The following ZBTB7C variants were observed in gnomAD, a reference collection of about 807,000 sequenced individuals.
The protein encoded by ZBTB7C is zinc finger and BTB domain containing 7C.
ZBTB7C carries 8 observed loss-of-function variants against 25.7 expected under a neutral mutation model. The ratio of observed to expected loss-of-function variants is 0.31; its 90% CI spans 0.18 to 0.56. The LOEUF (loss-of-function observed/expected upper bound fraction) is 0.56, where lower values mean the gene tolerates loss of function less well. Ranked by LOEUF, ZBTB7C falls within the 20% of genes least tolerant of loss-of-function variation. The probability of loss-of-function intolerance (pLI) is 0.91; values close to 1 mark genes in which losing one functional copy is unlikely to be tolerated. For missense variants in ZBTB7C, 824 were observed against 855.2 expected, an observed-to-expected ratio of 0.96 and a Z score of 0.46; for synonymous variants, 394 against 369.0, an observed-to-expected ratio of 1.07 and a Z score of -0.78.
At chr18:48,230,951 T>C (rs1377061403) in intron 2 of ZBTB7C, among the ~76,000 whole-genome samples, 1 of 152,216 alleles carries the variant, frequency 6.6e-6, no homozygotes, top group Non-Finnish European at 1.5e-5. Flanking sequence ...CAGCTGGGTA[T>C]GTGCATGCTC....
At chr18:48,242,921 T>G (rs1306325545) in intron 2 of ZBTB7C, among the ~76,000 whole-genome samples, 1 of 152,078 alleles carries the variant, frequency 6.6e-6, no homozygotes, top group East Asian at 1.9e-4. Context: ...CATTGCTCAC[T>G]GCTGGTATGA....
intron 1 of ZBTB7C, among the ~76,000 whole-genome samples, chr18:48,403,174 C>T (rs2048200867): frequency 6.6e-6 from 1 of 152,150 alleles, no homozygotes; most frequent in Non-Finnish European, 1.5e-5. Context: ...GAGCTCTTGC[C>T]CACCAAAGAA....
chr18:48,041,158 T>C, intron 3 of ZBTB7C, 35 bp from the exon 4 acceptor site: 1 of 1,543,142 alleles, frequency 6.5e-7, no homozygotes, highest in South Asian at 1.2e-5. Context: ...ACTGGGTTAG[T>C]GAGCGTGGCC....
intron 2 of ZBTB7C, among the ~76,000 whole-genome samples, chr18:48,241,153 C>T (rs944943592): frequency 2.6e-5 from 4 of 151,998 alleles, no homozygotes; most frequent in Non-Finnish European, 4.4e-5. Context: ...GAAAAGATCA[C>T]AATCCTAAAT....
At chr18:48,252,731 T>G (rs1253386788) in intron 2 of ZBTB7C, 1 of 152,300 alleles carries the variant, frequency 6.6e-6, no homozygotes, top group African/African-American at 2.4e-5. Flanking sequence ...TGGCGTGACC[T>G]CACACTGATG....
intron 2 of ZBTB7C, among the ~76,000 whole-genome samples, chr18:48,320,443 G>A (rs1416677386): frequency 6.6e-6 from 1 of 152,190 alleles, no homozygotes; most frequent in African/African-American, 2.4e-5. Context: ...GCTGTCCGCT[G>A]CGCCTAGGAG....
intron 1 of ZBTB7C, among the ~76,000 whole-genome samples, chr18:48,353,593 A>G (rs1300256502): frequency 6.6e-6 from 1 of 151,958 alleles, no homozygotes; most frequent in Non-Finnish European, 1.5e-5. Flanking sequence ...GTATTCTCCA[A>G]TCCCATCTGA....
At chr18:48,302,625 C>T (rs991591854) in intron 2 of ZBTB7C, among the ~76,000 whole-genome samples, 6 of 152,190 alleles carry the variant, frequency 3.9e-5, no homozygotes, top group Non-Finnish European at 8.8e-5. Context: ...TCGACGTCCA[C>T]GCTCTATGTG....
intron 3 of ZBTB7C, among the ~76,000 whole-genome samples, chr18:48,171,266 T>A (rs2041469492): frequency 6.6e-6 from 1 of 152,162 alleles, no homozygotes. Context: ...TGATACCTAT[T>A]TTCCCTAAAG....
intron 1 of ZBTB7C, among the ~76,000 whole-genome samples, chr18:48,389,876 C>T (rs1415694291): frequency 6.6e-6 from 1 of 152,238 alleles, no homozygotes; most frequent in Non-Finnish European, 1.5e-5. Context: ...AACTAATGCT[C>T]TCTGAATTAT....
At chr18:48,342,551 G>C (rs1295787594) in intron 1 of ZBTB7C, among the ~76,000 whole-genome samples, 1 of 152,254 alleles carries the variant, frequency 6.6e-6, no homozygotes, top group East Asian at 1.9e-4. Context: ...CCTGCACCTA[G>C]AGAGTGTAAT....
At chr18:48,345,133 A>G (rs1172176852) in intron 1 of ZBTB7C, among the ~76,000 whole-genome samples, 1 of 152,172 alleles carries the variant, frequency 6.6e-6, no homozygotes, top group Non-Finnish European at 1.5e-5. Flanking sequence ...GGCTGGTGCT[A>G]TCACCTCTCA....
intron 1 of ZBTB7C, among the ~76,000 whole-genome samples, chr18:48,381,088 G>A (rs930978707): frequency 6.6e-6 from 1 of 152,186 alleles, no homozygotes; most frequent in Non-Finnish European, 1.5e-5. Flanking sequence ...AAGGGTGATG[G>A]TAGAATAAAG....
intron 1 of ZBTB7C, among the ~76,000 whole-genome samples, chr18:48,402,400 T>C (rs1395164382): frequency 2.0e-5 from 3 of 152,238 alleles, no homozygotes; most frequent in East Asian, 1.9e-4. Context: ...GACTTAGTAA[T>C]GTGATCAAAT....
At chr18:48,074,266 G>T (rs1382311213) in intron 3 of ZBTB7C, among the ~76,000 whole-genome samples, 1 of 152,032 alleles carries the variant, frequency 6.6e-6, no homozygotes, top group East Asian at 1.9e-4. Flanking sequence ...TGCCTGCCTC[G>T]GCCTCCCAAA....
chr18:48,208,126 CT>C (rs1401101492), intron 2 of ZBTB7C, among the ~76,000 whole-genome samples: 3 of 152,128 alleles, frequency 2.0e-5, no homozygotes, highest in Non-Finnish European at 4.4e-5. Flanking sequence ...GGGTTGAGAG[CT>C]GGCCTTGGTG....
chr18:48,339,218 G>A (rs1335623773), intron 1 of ZBTB7C, among the ~76,000 whole-genome samples: 4 of 152,234 alleles, frequency 2.6e-5, no homozygotes, highest in Non-Finnish European at 5.9e-5. Context: ...CATCTCTTGG[G>A]GGTGAAAAGA....
intron 1 of ZBTB7C, among the ~76,000 whole-genome samples, chr18:48,382,049 C>T (rs2047644488): frequency 1.3e-5 from 2 of 152,130 alleles, no homozygotes; most frequent in African/African-American, 2.4e-5. Context: ...AAATTGGAAA[C>T]AATAATACAA....
chr18:48,264,531 G>A (rs1386567030), intron 2 of ZBTB7C, among the ~76,000 whole-genome samples: 5 of 152,246 alleles, frequency 3.3e-5, no homozygotes, highest in Admixed American at 6.5e-5. Flanking sequence ...TGTCAGACAC[G>A]ATCCAGGTTT....
Sources: gnomAD v4.1 joint callset for allele counts (sites outside exome capture counted in the v4.1 genomes callset) on GRCh38, gnomAD v4.1.1 for gene constraint, MANE v1.5 for transcripts, NCBI Gene and HGNC (gene_info 2026-07-23, HGNC 2026-07-21) for gene names.